Variants in XRN2 observed in about 807,000 individuals in gnomAD.
XRN2 encodes the protein 5'-3' exoribonuclease 2.
Under a neutral mutation model 138.5 loss-of-function variants are expected in XRN2, and 44 were observed. The observed-to-expected ratio is 0.32, with a 90% confidence interval of 0.25 to 0.41. The LOEUF is 0.41. Ranked by LOEUF, XRN2 falls within the 10% of genes least tolerant of loss-of-function variation. The pLI is 1.00. For missense variants in XRN2, 937 were observed against 1,169.3 expected (o/e 0.80, Z 2.90); for synonymous variants, 354 against 369.4 (o/e 0.96, Z 0.48).
chr20:21,351,050 T>C (rs778210080), intron 20 of XRN2, among the ~76,000 whole-genome samples: 6 of 152,210 alleles, frequency 3.9e-5, no homozygotes, highest in Non-Finnish European at 8.8e-5. Context: ...AAATATATTT[T>C]TGTGTTTGTT....
At chr20:21,335,402 C>T (rs1183705416) in intron 13 of XRN2, among the ~76,000 whole-genome samples, 1 of 152,188 alleles carries the variant, frequency 6.6e-6, no homozygotes, top group Non-Finnish European at 1.5e-5. Context: ...CATGATCTCC[C>T]AGCACATTAA....
intron 27 of XRN2, among the ~76,000 whole-genome samples, chr20:21,372,158 C>T (rs1242737465): frequency 1.3e-5 from 2 of 152,154 alleles, no homozygotes; most frequent in East Asian, 1.9e-4. Flanking sequence ...CCCTCTGCCT[C>T]GTGACTTGTA....
At chr20:21,386,492 G>T (rs753297205) in intron 28 of XRN2, among the ~76,000 whole-genome samples, 7 of 152,162 alleles carry the variant, frequency 4.6e-5, no homozygotes, top group Non-Finnish European at 1.0e-4. Context: ...TGAAAATAAA[G>T]CCTCATTCTC....
At chr20:21,382,428 G>T (rs1451278214) in intron 28 of XRN2, among the ~76,000 whole-genome samples, 1 of 152,198 alleles carries the variant, frequency 6.6e-6, no homozygotes, top group Non-Finnish European at 1.5e-5. Flanking sequence ...TCATTTCTGT[G>T]CGGGCAATGC....
intron 6 of XRN2, 130 bp from the exon 7 acceptor site, chr20:21,331,431 A>G (rs1014032861): frequency 1.4e-6 from 1 of 726,958 alleles, no homozygotes; most frequent in East Asian, 2.7e-5. Context: ...ACACACACAC[A>G]CACACACCCT....
chr20:21,332,276 T>C lies in XRN2; in HGVS notation c.701-7T>C. The C allele has an allele frequency of 6.2e-7, 1 of 1,608,100 alleles. No homozygotes were observed. Among genetic ancestry groups the C allele is most frequent in the Admixed American group, 1.7e-5 (1 of 58,012 alleles). On this transcript the variant is annotated splice_region_variant and splice_polypyrimidine_tract_variant and intron_variant, in intron 8 of 29. Coordinates refer to ENST00000377191, the MANE Select transcript of XRN2 (RefSeq NM_012255.5). Reference sequence around the variant, plus strand: ...TGTTCGATGTTTTTCTCATTGTTGATTGATAGCTGATCTCATTATGCTTGG... The same window carrying C: ...TGTTCGATGTTTTTCTCATTGTTGACTGATAGCTGATCTCATTATGCTTGG...
At chr20:21,377,537 C>T (rs189344163) in intron 27 of XRN2, among the ~76,000 whole-genome samples, 1 of 146,720 alleles carries the variant, frequency 6.8e-6, no homozygotes, top group East Asian at 2.0e-4. Flanking sequence ...GGATTACAGG[C>T]GTGAGCCACC....
intron 27 of XRN2, among the ~76,000 whole-genome samples, chr20:21,380,265 A>G (rs2038868905): frequency 1.3e-5 from 2 of 152,192 alleles, no homozygotes; most frequent in Non-Finnish European, 2.9e-5. Flanking sequence ...TTCTGGGAAC[A>G]TTTTAACTGA....
At chr20:21,343,033 GTATTATTTTAACTT>G (rs2038391789) in intron 15 of XRN2, among the ~76,000 whole-genome samples, 1 of 151,864 alleles carries the variant, frequency 6.6e-6, no homozygotes, top group East Asian at 1.9e-4. Flanking sequence ...ATATGATTTC[GTATTATTTTAACTT>G]TTCTTGACCT....
chr20:21,382,475 A>G (rs1321922927), intron 28 of XRN2, among the ~76,000 whole-genome samples: 3 of 152,206 alleles, frequency 2.0e-5, no homozygotes, highest in Non-Finnish European at 4.4e-5. Context: ...TCTTGCTACA[A>G]ACCTCTTGAA....
intron 28 of XRN2, among the ~76,000 whole-genome samples, chr20:21,385,024 AT>A (rs574954929): frequency 3.3e-5 from 5 of 152,222 alleles, no homozygotes; most frequent in South Asian, 2.1e-4. Flanking sequence ...ATTATTGATG[AT>A]TTTTTTCATA....
intron 5 of XRN2, 37 bp from the exon 6 acceptor site, chr20:21,330,579 A>C: frequency 6.2e-7 from 1 of 1,613,650 alleles, no homozygotes; most frequent in Non-Finnish European, 8.5e-7. Flanking sequence ...GCTAACTCTT[A>C]AATGATAGGT....
chr20:21,346,614 TTTTTTTGTTTG>T, intron 17 of XRN2, 64 bp downstream of exon 17: 1 of 1,572,376 alleles, frequency 6.4e-7, no homozygotes, highest in Non-Finnish European at 8.6e-7. Flanking sequence ...GTAATTTCTT[TTTTTTTGTTTG>T]TTTTTTGTTT....
rs1555788242 is a variant in XRN2 at position 21,377,264 on chromosome 20, C to CTTTTTCTTTTTTTTTTTTT, written c.2585-4725_2585-4724insCTTTTTTTTTTTTTTTTTT. On this transcript the variant is annotated intron_variant, in intron 27 of 29. Transcript: ENST00000377191. ...CCAACATATGATTTGTCGGTTTTTT[C>CTTTTTCTTTTTTTTTTTTT]TTTTTTTTTTTTTTGGTCAGTCTTG... 7.2e-5 allele frequency among the ~76,000 whole-genome samples: 6 copies of CTTTTTCTTTTTTTTTTTTT among 82,782 alleles called. No individual in the cohort carries two copies. In the South Asian group the frequency reaches 1.5e-3, roughly 21 times the overall value. 54.3% of individuals were successfully genotyped at this position (82,782 alleles called of 152,430 possible). A position where few individuals can be genotyped will look rare whatever the true frequency, so the allele number is the denominator to read the frequency against.
At chr20:21,322,613 C>G (rs754356357) in intron 1 of XRN2, among the ~76,000 whole-genome samples, 2 of 152,148 alleles carry the variant, frequency 1.3e-5, no homozygotes, top group Non-Finnish European at 2.9e-5. Context: ...GGTGGTTTCT[C>G]CTCATAAGGT....
intron 1 of XRN2, among the ~76,000 whole-genome samples, chr20:21,305,021 GTCTT>G (rs1365472205): frequency 6.6e-6 from 1 of 152,154 alleles, no homozygotes; most frequent in African/African-American, 2.4e-5. Context: ...CCCTGGGGCT[GTCTT>G]TCTTTTTCCA....
intron 29 of XRN2, among the ~76,000 whole-genome samples, chr20:21,388,266 C>T (rs547310421): frequency 6.6e-6 from 1 of 152,342 alleles, no homozygotes; most frequent in South Asian, 2.1e-4. Flanking sequence ...CCATTTTCCT[C>T]TCTCCTTTGG....
At chr20:21,387,214 G>T (rs1352939038) in intron 29 of XRN2, among the ~76,000 whole-genome samples, 1 of 152,144 alleles carries the variant, frequency 6.6e-6, no homozygotes, top group Non-Finnish European at 1.5e-5. Flanking sequence ...AGATGCCAAA[G>T]AATTTCTAAC....
chr20:21,329,615 G>A (rs2038175307), intron 4 of XRN2, among the ~76,000 whole-genome samples: 3 of 152,104 alleles, frequency 2.0e-5, no homozygotes, highest in Admixed American at 2.0e-4. Context: ...AAACCTGTTT[G>A]TATTTATAAC....
Sources: allele counts gnomAD v4.1 joint callset (sites outside exome capture counted in the v4.1 genomes callset), GRCh38; gene constraint gnomAD v4.1.1; transcripts MANE v1.5; gene names NCBI Gene and HGNC (gene_info 2026-07-23, HGNC 2026-07-21).